Variants in UNC13B observed in about 807,000 individuals in gnomAD.
UNC13B encodes protein unc-13 homolog B.
UNC13B carries 144 observed loss-of-function variants against 211.0 expected under a neutral mutation model. That is an observed-to-expected ratio of 0.68 (90% CI 0.60 to 0.78). The LOEUF (loss-of-function observed/expected upper bound fraction) is 0.78, where lower values mean the gene tolerates loss of function less well. Among genes scored for constraint, UNC13B ranks in the 30% least tolerant of loss-of-function variants. The probability of loss-of-function intolerance (pLI) is 0.00; values close to 1 mark genes in which losing one functional copy is unlikely to be tolerated. For synonymous variants in UNC13B, 709 were observed against 725.8 expected, an observed-to-expected ratio of 0.98 and a Z score of 0.37; for missense variants, 1,777 against 2,002.0, an observed-to-expected ratio of 0.89 and a Z score of 2.14.
intron 11 of UNC13B, among the ~76,000 whole-genome samples, chr9:35,341,579 T>G (rs1308044539): frequency 6.6e-6 from 1 of 152,026 alleles, no homozygotes; most frequent in Admixed American, 6.5e-5. Context: ...TCTCCATCTG[T>G]GTCTGTTTAT....
At chr9:35,194,292 T>TA (rs1300835684) in intron 1 of UNC13B, among the ~76,000 whole-genome samples, 2 of 152,114 alleles carry the variant, frequency 1.3e-5, no homozygotes, top group South Asian at 4.1e-4. Context: ...GAATAGGAGA[T>TA]ATGACAGTCG....
intron 11 of UNC13B, among the ~76,000 whole-genome samples, chr9:35,363,199 GCT>G (rs761558670): frequency 6.6e-5 from 10 of 152,190 alleles, no homozygotes; most frequent in African/African-American, 1.7e-4. Flanking sequence ...AGCCGTGACG[GCT>G]CTGTCAATGG....
intron 7 of UNC13B, chr9:35,291,194 A>G: frequency 1.6e-6 from 2 of 1,230,776 alleles, no homozygotes; most frequent in Non-Finnish European, 2.3e-6. Flanking sequence ...ATATTCATGC[A>G]TAGACTTCCA....
intron 17 of UNC13B, among the ~76,000 whole-genome samples, 175 bp from the exon 18 acceptor site, chr9:35,380,295 G>C (rs985992903): frequency 6.6e-6 from 1 of 152,226 alleles, no homozygotes; most frequent in Non-Finnish European, 1.5e-5. Flanking sequence ...GAGGAATGAA[G>C]AGTCATTTGC....
chr9:35,397,488 T>G (rs1204379525), intron 29 of UNC13B, 147 bp from the exon 30 acceptor site: 1 of 1,276,016 alleles, frequency 7.8e-7, no homozygotes, highest in Non-Finnish European at 1.1e-6. Flanking sequence ...GTTCTGTGGT[T>G]GAGAGAGAGC....
chr9:35,382,211 C>A, intron 20 of UNC13B, 146 bp from the exon 21 acceptor site: 2 of 1,048,088 alleles, frequency 1.9e-6, no homozygotes, highest in Non-Finnish European at 1.4e-6. Context: ...GCCCCTAGAG[C>A]TGTGTGCAGA....
At chr9:35,365,028 C>T (rs1564168868) in intron 11 of UNC13B, among the ~76,000 whole-genome samples, 1 of 152,226 alleles carries the variant, frequency 6.6e-6, no homozygotes, top group Non-Finnish European at 1.5e-5. Flanking sequence ...TTTCCTGCCT[C>T]TTGCCTGAGG....
intron 1 of UNC13B, among the ~76,000 whole-genome samples, chr9:35,180,187 G>A (rs1157443825): frequency 6.6e-6 from 1 of 152,110 alleles, no homozygotes; most frequent in Non-Finnish European, 1.5e-5. Flanking sequence ...GAGGTTTGAC[G>A]TAAGTACTTG....
chr9:35,265,701 G>C (rs937554937), intron 7 of UNC13B, among the ~76,000 whole-genome samples: 7 of 152,172 alleles, frequency 4.6e-5, no homozygotes, highest in South Asian at 2.1e-4. Flanking sequence ...ATTTTGGGAG[G>C]CTGCAGCGGG....
intron 11 of UNC13B, among the ~76,000 whole-genome samples, chr9:35,346,672 A>C (rs562365005): frequency 3.9e-5 from 6 of 152,324 alleles, no homozygotes; most frequent in African/African-American, 1.2e-4. Context: ...AAGAGCACAG[A>C]AAGGTATGGT....
At chr9:35,238,221 A>G (rs566480976) in intron 5 of UNC13B, among the ~76,000 whole-genome samples, 10 of 152,352 alleles carry the variant, frequency 6.6e-5, no homozygotes, top group African/African-American at 2.2e-4. Flanking sequence ...TTAAAATGTA[A>G]ATTAAATCAC....
intron 6 of UNC13B, among the ~76,000 whole-genome samples, chr9:35,251,260 G>A (rs930118990): frequency 2.6e-5 from 4 of 151,864 alleles, no homozygotes; most frequent in South Asian, 2.1e-4. Context: ...CACCGCGCCC[G>A]GCCTACTCTT....
chr9:35,401,289 C>A (rs1019105241), intron 37 of UNC13B, among the ~76,000 whole-genome samples: 3 of 152,124 alleles, frequency 2.0e-5, no homozygotes, highest in African/African-American at 7.2e-5. Flanking sequence ...GGGCTCTAAG[C>A]AGGTAGACTG....
In UNC13B at chr9:35,162,155, G is replaced by T; in HGVS notation, c.-129G>T. 1.4e-6 allele frequency: 2 copies of T among 1,407,500 alleles called. No individual in the cohort carries two copies. Among genetic ancestry groups the T allele is most frequent in the South Asian group, 2.5e-5 (2 of 80,386 alleles). 87.2% of individuals were successfully genotyped at this position (1,407,500 alleles called of 1,614,324 possible). A position where few individuals can be genotyped will look rare whatever the true frequency, so the allele number is the denominator to read the frequency against. On this transcript the variant is annotated 5_prime_UTR_variant, in exon 1 of 40. Transcript: ENST00000635942. ...GAGGCAGCGGCGGGACGCTACCTGC[G>T]ACCGGGACCATGAGGAGCTGCCAGA...
At chr9:35,361,422 C>T (rs1298841710) in intron 11 of UNC13B, 1 of 152,182 alleles carries the variant, frequency 6.6e-6, no homozygotes. Flanking sequence ...AGCAGTTCCT[C>T]AGGGTCTGGA....
In UNC13B at chr9:35,305,886, T is replaced by C. The variant is rs887862686; in HGVS notation, c.6482T>C (p.Ile2161Thr). 1 of 399,006 alleles carries C rather than the reference T, an allele frequency of 2.5e-6. No individual in the cohort carries two copies. The allele number at this position is 399,006 out of a possible 1,614,324, so 24.7% of individuals were successfully genotyped here. ...CCAGAGTTATCAACCAAAAAGAGTATATTTTCTTTTCTCACTGGATCTGAA... is the reference window on the plus strand; with the variant it reads ...CCAGAGTTATCAACCAAAAAGAGTACATTTTCTTTTCTCACTGGATCTGAA... ...SQPELSTKKS[I>T]FSFLTGSEKS... is the part of the protein sequence containing the mutation. The change falls in exon 9 of 40, where the codon ATA becomes ACA. Residue 2161 changes from isoleucine to threonine, a missense_variant. Ile to Thr is a moderately conservative substitution (Grantham distance 89, BLOSUM62 -1). Coordinates refer to ENST00000635942, the MANE Select transcript of UNC13B (RefSeq NM_001371189.2).
rs778975389 is a variant in UNC13B, at chr9:35,305,682, G to A, written c.6278G>A (p.Ser2093Asn). The A allele has an allele frequency of 1.4e-4, 56 of 398,910 alleles. No individual in the cohort carries two copies. Among genetic ancestry groups the A allele is most frequent in the Admixed American group, 3.5e-4 (8 of 22,714 alleles). 24.7% of individuals were successfully genotyped at this position (398,910 alleles called of 1,614,324 possible). A position where few individuals can be genotyped will look rare whatever the true frequency, so the allele number is the denominator to read the frequency against. Reference protein sequence around the residue: ...QSPNSSFSTSSLKESSRESSV... With the variant: ...QSPNSSFSTSNLKESSRESSV... Reference sequence around the variant, plus strand: ...CCTAATTCATCTTTTTCAACAAGTAGTCTCAAAGAGTCTTCCAGGGAGTCT... The same window carrying A: ...CCTAATTCATCTTTTTCAACAAGTAATCTCAAAGAGTCTTCCAGGGAGTCT... Residue 2093 changes from serine (S) to asparagine (N), a missense_variant, in exon 9 of 40, where the codon AGT (serine) becomes AAT (asparagine). By Grantham distance (46) the Ser-to-Asn change is conservative. Coordinates refer to ENST00000635942, the MANE Select transcript of UNC13B (RefSeq NM_001371189.2).
At chr9:35,337,368 G>C (rs907301444) in intron 11 of UNC13B, among the ~76,000 whole-genome samples, 1 of 152,134 alleles carries the variant, frequency 6.6e-6, no homozygotes, top group African/African-American at 2.4e-5. Flanking sequence ...CTTTGCAGGG[G>C]CTTCTCTCAC....
At chr9:35,374,336 G>A (rs1474620009) in intron 13 of UNC13B, among the ~76,000 whole-genome samples, 1 of 124,252 alleles carries the variant, frequency 8.0e-6, no homozygotes, top group Non-Finnish European at 1.6e-5. Context: ...TTAACTCTCT[G>A]GGCTTGGCAT....
Sources: allele counts gnomAD v4.1 joint callset (sites outside exome capture counted in the v4.1 genomes callset), GRCh38; gene constraint gnomAD v4.1.1; transcripts MANE v1.5; gene names NCBI Gene and HGNC (gene_info 2026-07-23, HGNC 2026-07-21).